NRCAM: variants seen among roughly 807,000 people sequenced by gnomAD.
NRCAM encodes NgCAM-related cell adhesion molecule.
NRCAM carries 83 observed loss-of-function variants against 156.5 expected under a neutral mutation model. The ratio of observed to expected loss-of-function variants is 0.53; its 90% CI spans 0.44 to 0.64. The LOEUF is 0.64. Among genes scored for constraint, NRCAM ranks in the 30% least tolerant of loss-of-function variants. The pLI, the probability that NRCAM is intolerant of heterozygous loss-of-function variation, is 0.00. For synonymous variants in NRCAM, 538 were observed against 563.9 expected, an observed-to-expected ratio of 0.95 and a Z score of 0.65; for missense variants, 1,417 against 1,597.3, an observed-to-expected ratio of 0.89 and a Z score of 1.92.
chr7:108,266,389 TG>T (rs2097104479), intron 3 of NRCAM, among the ~76,000 whole-genome samples: 1 of 152,218 alleles, frequency 6.6e-6, no homozygotes, highest in South Asian at 2.1e-4. Context: ...GGTCCTGGGC[TG>T]GTAAAGCCTG....
intron 26 of NRCAM, 111 bp downstream of exon 26, chr7:108,177,879 T>C: frequency 3.4e-6 from 3 of 879,922 alleles, no homozygotes; most frequent in Non-Finnish European, 5.0e-6. Context: ...GATCACTATA[T>C]GTATCGAAAC....
intron 1 of NRCAM, among the ~76,000 whole-genome samples, chr7:108,447,433 T>G (rs149383235): frequency 1.3e-5 from 2 of 151,910 alleles, no homozygotes; most frequent in African/African-American, 4.8e-5. Context: ...GCCTGGCTAA[T>G]TTTTGTTTTT....
chr7:108,374,188 T>C (rs933333359), intron 2 of NRCAM, among the ~76,000 whole-genome samples: 2 of 152,126 alleles, frequency 1.3e-5, no homozygotes, highest in African/African-American at 4.8e-5. Context: ...GACTAGTAAC[T>C]AGGGCTCTGA....
chr7:108,403,292 T>C (rs2099798272), intron 1 of NRCAM, among the ~76,000 whole-genome samples: 1 of 152,228 alleles, frequency 6.6e-6, no homozygotes, highest in African/African-American at 2.4e-5. Flanking sequence ...TAAAAACTTT[T>C]GACTTCCCAA....
chr7:108,454,266 T>A (rs1429184964), intron 1 of NRCAM, among the ~76,000 whole-genome samples: 1 of 152,208 alleles, frequency 6.6e-6, no homozygotes, highest in African/African-American at 2.4e-5. Flanking sequence ...TAAATGGGCT[T>A]GTAATGTATC....
intron 1 of NRCAM, among the ~76,000 whole-genome samples, chr7:108,449,972 T>G (rs1283955540): frequency 6.6e-6 from 1 of 151,768 alleles, no homozygotes; most frequent in African/African-American, 2.4e-5. Flanking sequence ...AATTTAAACA[T>G]ATATATATAT....
intron 2 of NRCAM, among the ~76,000 whole-genome samples, chr7:108,386,539 C>T (rs2099741396): frequency 1.3e-5 from 2 of 152,112 alleles, no homozygotes; most frequent in African/African-American, 2.4e-5. Flanking sequence ...AAAGAGATTA[C>T]ATTGGGCACA....
At chr7:108,385,451 T>C (rs941483987) in intron 2 of NRCAM, among the ~76,000 whole-genome samples, 1 of 152,230 alleles carries the variant, frequency 6.6e-6, no homozygotes. Context: ...AAGAAAAGCA[T>C]GCATTTTGAG....
Position 108,314,373 on chromosome 7 carries a change from C to T in NRCAM, c.-173-1642G>A, listed in dbSNP as rs554976009. Among the ~76,000 whole-genome samples, 3 of 152,280 alleles carry T rather than the reference C, an allele frequency of 2.0e-5. No individual in the cohort carries two copies. In the East Asian group the frequency reaches 5.8e-4, roughly 29 times the overall value. On this transcript the variant is annotated intron_variant, in intron 2 of 32. Coordinates refer to ENST00000379028, the MANE Select transcript of NRCAM (RefSeq NM_001037132.4). ...AAGAGAATAGGGTAATACATCATTG[C>T]TAAGGACTATTTTTCCAATAACCAA...
chr7:108,309,151 G>A (rs16872494), intron 3 of NRCAM, among the ~76,000 whole-genome samples: 3,146 of 152,216 alleles, frequency 0.021, 85 homozygotes, highest in East Asian at 0.089. Context: ...AGTTCATCAC[G>A]ATCACAATAG....
chr7:108,427,486 G>T (rs894716560), intron 1 of NRCAM, among the ~76,000 whole-genome samples: 1 of 152,188 alleles, frequency 6.6e-6, no homozygotes, highest in African/African-American at 2.4e-5. Context: ...TTGAGACATT[G>T]ATTTGTTCTT....
chr7:108,172,796 C>T (rs185561193), intron 28 of NRCAM, among the ~76,000 whole-genome samples: 297 of 152,164 alleles, frequency 2.0e-3, no homozygotes, highest in Admixed American at 7.2e-3. Context: ...CTGGGTTTTC[C>T]TTCAGGTTTA....
At chr7:108,188,201 T>A (rs1422746727) in intron 20 of NRCAM, among the ~76,000 whole-genome samples, 1 of 152,064 alleles carries the variant, frequency 6.6e-6, no homozygotes, top group African/African-American at 2.4e-5. Flanking sequence ...ACAGGAGGAG[T>A]TCTGCATTAG....
At chr7:108,395,518 C>T (rs1393582285) in intron 2 of NRCAM, among the ~76,000 whole-genome samples, 1 of 152,186 alleles carries the variant, frequency 6.6e-6, no homozygotes, top group Non-Finnish European at 1.5e-5. Flanking sequence ...CACACAGCAA[C>T]ACATTTTACT....
At chr7:108,404,947 T>A (rs1338187030) in intron 1 of NRCAM, among the ~76,000 whole-genome samples, 1 of 152,170 alleles carries the variant, frequency 6.6e-6, no homozygotes, top group Non-Finnish European at 1.5e-5. Flanking sequence ...GACATTGGCA[T>A]CAGAGATGAG....
chr7:108,380,606 T>C (rs776114714), intron 2 of NRCAM, among the ~76,000 whole-genome samples: 2 of 152,214 alleles, frequency 1.3e-5, no homozygotes, highest in Non-Finnish European at 2.9e-5. Context: ...TCTGAACTTT[T>C]TGAGGATCTG....
chr7:108,330,409 C>T (rs2099114636), intron 2 of NRCAM, among the ~76,000 whole-genome samples: 1 of 152,134 alleles, frequency 6.6e-6, no homozygotes, highest in Admixed American at 6.6e-5. Context: ...GCTTGCCTGA[C>T]CGAGCCTAAT....
In NRCAM at chr7:108,332,684, T is replaced by C. The variant is rs574122340; in HGVS notation, c.-173-19953A>G. Among the ~76,000 whole-genome samples, 6 of 152,360 alleles carry C rather than the reference T, an allele frequency of 3.9e-5. No individual in the cohort carries two copies. In the South Asian group the frequency reaches 8.3e-4, roughly 21 times the overall value. ...TAATCAGAATGTATCATACACTATA[T>C]ATTTACAACACTTTATATAGCGCCT... On this transcript the variant is annotated intron_variant, in intron 2 of 32. Transcript: ENST00000379028.
chr7:108,198,770 A>C (rs1463736721), intron 13 of NRCAM, among the ~76,000 whole-genome samples: 1 of 152,222 alleles, frequency 6.6e-6, no homozygotes, highest in Non-Finnish European at 1.5e-5. Flanking sequence ...TCTGCTGTGG[A>C]TATTCTTGAA....
Sources: allele counts gnomAD v4.1 joint callset (sites outside exome capture counted in the v4.1 genomes callset), GRCh38; gene constraint gnomAD v4.1.1; transcripts MANE v1.5; gene names NCBI Gene and HGNC (gene_info 2026-07-23, HGNC 2026-07-21).